GEMIN5: variants seen among roughly 807,000 people sequenced by gnomAD.
GEMIN5 encodes gem-associated protein 5.
Under a neutral mutation model 176.9 loss-of-function variants are expected in GEMIN5, and 124 were observed. The observed-to-expected ratio is 0.70, with a 90% CI of 0.61 to 0.81. GEMIN5 has a LOEUF of 0.81. Ranked by LOEUF, GEMIN5 falls within the 40% of genes least tolerant of loss-of-function variation. GEMIN5 has a pLI of 0.00. For synonymous variants in GEMIN5, 673 were observed against 665.2 expected (o/e 1.01, Z -0.18); for missense variants, 1,843 against 1,814.6 (o/e 1.02, Z -0.28).
At chr5:154,926,421 G>T (rs1764038142) in intron 7 of GEMIN5, among the ~76,000 whole-genome samples, 1 of 152,052 alleles carries the variant, frequency 6.6e-6, no homozygotes. Context: ...GATGGCCTCA[G>T]CACAGTGGAA....
In GEMIN5 at chr5:154,936,138, C is replaced by T. The variant is rs867411177; in HGVS notation, c.328-116G>A. The T allele has an allele frequency of 3.1e-5, 21 of 676,750 alleles. No individual in the cohort carries two copies. In the East Asian group the frequency reaches 4.0e-4, roughly 13 times the overall value. The allele number at this position is 676,750 out of a possible 1,614,324, so 41.9% of individuals were successfully genotyped here. A position where few individuals can be genotyped will look rare whatever the true frequency, so the allele number is the denominator to read the frequency against. On this transcript the variant is annotated intron_variant, in intron 2 of 27. Coordinates refer to ENST00000285873, the MANE Select transcript of GEMIN5 (RefSeq NM_015465.5). ...ACACATTAAAAGTAATTAATACGGC[C>T]GGGCGCGGTGGCTCACGCCTGTAAT...
chr5:154,906,774 C>G (rs1763577040), intron 16 of GEMIN5, among the ~76,000 whole-genome samples: 1 of 152,218 alleles, frequency 6.6e-6, no homozygotes, highest in Middle Eastern at 3.2e-3. Flanking sequence ...ATGTGTCTAA[C>G]AGCTATCCCT....
In GEMIN5 at chr5:154,901,495, A is replaced by C. The variant is rs1763464671; in HGVS notation, c.2867-9T>G. On this transcript the variant is annotated splice_polypyrimidine_tract_variant and intron_variant, in intron 20 of 27. Coordinates refer to ENST00000285873, the MANE Select transcript of GEMIN5 (RefSeq NM_015465.5). ...CCACACATGGTAGCCAGCTGAAAAAATAAAAGATGGTGGTTAAAAAAACAG... is the reference window on the plus strand; with the variant it reads ...CCACACATGGTAGCCAGCTGAAAAACTAAAAGATGGTGGTTAAAAAAACAG... The C allele has an allele frequency of 1.2e-6, 2 of 1,612,880 alleles. No individual in the cohort carries two copies. Among genetic ancestry groups the C allele is most frequent in the Non-Finnish European group, 1.7e-6 (2 of 1,179,596 alleles).
chr5:154,925,328 T>C (rs1357552345), intron 8 of GEMIN5, among the ~76,000 whole-genome samples: 5 of 152,058 alleles, frequency 3.3e-5, no homozygotes, highest in African/African-American at 1.2e-4. Context: ...AGGAAAAAAA[T>C]GTTTCCTTTC....
At chr5:154,920,292 A>C (rs1763898256) in intron 10 of GEMIN5, among the ~76,000 whole-genome samples, 189 bp from the exon 11 acceptor site, 1 of 152,210 alleles carries the variant, frequency 6.6e-6, no homozygotes, top group East Asian at 1.9e-4. Flanking sequence ...AGAAGTAAAA[A>C]AACTATACTA....
intron 23 of GEMIN5, among the ~76,000 whole-genome samples, chr5:154,897,423 T>C (rs893180991): frequency 8.5e-5 from 13 of 152,240 alleles, no homozygotes; most frequent in African/African-American, 2.9e-4. Context: ...GGCAGTGGTA[T>C]GTTACTGATT....
chr5:154,931,772 T>G (rs1764170684), intron 4 of GEMIN5, 195 bp from the exon 5 acceptor site: 2 of 525,678 alleles, frequency 3.8e-6, no homozygotes, highest in African/African-American at 3.8e-5. Flanking sequence ...CCCAGCATTT[T>G]GGGAGGCTGA....
chr5:154,931,637 A>G (rs1168994094), intron 4 of GEMIN5, 60 bp from the exon 5 acceptor site: 3 of 1,440,010 alleles, frequency 2.1e-6, no homozygotes, highest in Non-Finnish European at 2.9e-6. Flanking sequence ...AATATAAAAA[A>G]ATTAGTTTGC....
At chr5:154,923,551 G>C (rs1480299965) in intron 9 of GEMIN5, among the ~76,000 whole-genome samples, 2 of 152,376 alleles carry the variant, frequency 1.3e-5, no homozygotes, top group East Asian at 1.9e-4. Flanking sequence ...CAGCCAGACA[G>C]AATGTAAACA....
chr5:154,935,846 G>C lies in GEMIN5; in HGVS notation c.504C>G (p.Ala168=). ...TCSPHHEDLV[A]IGYKDGIVVI... ...ACAGATGGCATAGTACTTACCCAATGGCTACTAAATCTTCATGATGAGGTG... is the reference window on the plus strand; with the variant it reads ...ACAGATGGCATAGTACTTACCCAATCGCTACTAAATCTTCATGATGAGGTG... The change falls in exon 3 of 28, where the codon GCC becomes GCG. Residue 168 remains alanine (A), a synonymous_variant. Transcript: ENST00000285873. 6.2e-7 allele frequency: 1 copy of C among 1,609,124 alleles called. No homozygotes were observed. The highest frequency in any genetic ancestry group is 8.5e-7 in the Non-Finnish European group (1 of 1,175,866).
rs1481917613 is a variant in GEMIN5 at position 154,938,157 on chromosome 5, A to C, written c.-24T>G. The C allele has an allele frequency of 7.4e-7, 1 of 1,351,198 alleles. No individual in the cohort carries two copies. 83.7% of individuals were successfully genotyped at this position (1,351,198 alleles called of 1,614,324 possible). ...ATAACTACAAGCCGTCAGAGACAAG[A>C]GAAGCTGCCACAGCCGACCGCTCGT... On this transcript the variant is annotated 5_prime_UTR_variant, in exon 1 of 28. Transcript: ENST00000285873.
chr5:154,920,218 G>A lies in GEMIN5; in HGVS notation c.1463-115C>T, dbSNP rs1005069493. The A allele has an allele frequency of 1.1e-5, 8 of 699,750 alleles. No individual in the cohort carries two copies. The African/African-American group carries it at 1.3e-4, about 11-fold the overall frequency. The allele number at this position is 699,750 out of a possible 1,614,324, so 43.3% of individuals were successfully genotyped here. On this transcript the variant is annotated intron_variant, in intron 10 of 27. Transcript: ENST00000285873. Reference sequence around the variant, plus strand: ...GTTGTTTTAAAAGAACTATATATTTGAAACATTCTAATACATTGGAATAAA... The same window carrying A: ...GTTGTTTTAAAAGAACTATATATTTAAAACATTCTAATACATTGGAATAAA...
chr5:154,917,249 C>T (rs1186834489), intron 12 of GEMIN5, 70 bp from the exon 13 acceptor site: 5 of 792,154 alleles, frequency 6.3e-6, no homozygotes, highest in Non-Finnish European at 9.6e-6. Context: ...CAAATAGTAG[C>T]TCCCTCATTC....
At position 154,891,746 on chromosome 5, in the gene GEMIN5, G is replaced by T; in HGVS notation, c.3761-4C>A. 1 of 1,567,964 alleles carries T rather than the reference G, an allele frequency of 6.4e-7. No individual in the cohort carries two copies. Among genetic ancestry groups the T allele is most frequent in the Admixed American group, 2.1e-5 (1 of 48,212 alleles). On this transcript the variant is annotated splice_region_variant and splice_polypyrimidine_tract_variant and intron_variant, in intron 25 of 27. Coordinates refer to ENST00000285873, the MANE Select transcript of GEMIN5 (RefSeq NM_015465.5). ...TTGTCTCTTAGGTGGTCACAGCCTA[G>T]GAAAAGAGGAAAAAGATACTGGGTC...
chr5:154,894,497 G>C (rs1161920984), intron 24 of GEMIN5, among the ~76,000 whole-genome samples: 1 of 152,096 alleles, frequency 6.6e-6, no homozygotes, highest in South Asian at 2.1e-4. Flanking sequence ...CTGGCCAGGC[G>C]TGATGGCTCA....
Position 154,926,035 on chromosome 5 carries a change from T to A in GEMIN5, c.1120A>T (p.Thr374Ser). ...WDIATLECSW[T>S]LPSLGGFAYS... ...GCAAACCCACCAAGGGAAGGAAGGG[T>A]CCAGCTGCACTCCAAGGTGGCTATG... The change falls in exon 8 of 28, where the codon ACC (threonine) becomes TCC (serine). Residue 374 changes from threonine (T) to serine (S), a missense_variant. Transcript: ENST00000285873. The A allele has an allele frequency of 6.2e-7, 1 of 1,613,230 alleles. No individual in the cohort carries two copies. The highest frequency in any genetic ancestry group is 8.5e-7 in the Non-Finnish European group (1 of 1,179,492).
At position 154,938,137 on chromosome 5, in the gene GEMIN5, T is replaced by C. The variant is rs1317150263; in HGVS notation, c.-4A>G. ...GCGTCCGCGGCTCCTGCCCCATAAC[T>C]ACAAGCCGTCAGAGACAAGAGAAGC... On this transcript the variant is annotated 5_prime_UTR_variant, in exon 1 of 28. Transcript: ENST00000285873. 2.9e-6 allele frequency: 4 copies of C among 1,374,472 alleles called. No individual in the cohort carries two copies. The highest frequency in any genetic ancestry group is 3.8e-6 in the Non-Finnish European group (4 of 1,058,050). 85.1% of individuals were successfully genotyped at this position (1,374,472 alleles called of 1,614,324 possible).
chr5:154,932,323 T>A, intron 3 of GEMIN5, 73 bp from the exon 4 acceptor site: 1 of 1,106,466 alleles, frequency 9.0e-7, no homozygotes. Context: ...CATTTTGGCT[T>A]GGAGTTACCA....
intron 2 of GEMIN5, among the ~76,000 whole-genome samples, chr5:154,936,231 A>C (rs1452461369): frequency 1.3e-5 from 2 of 152,126 alleles, no homozygotes; most frequent in Non-Finnish European, 2.9e-5. Context: ...CCTGGCTAAC[A>C]TGGTGAAACC....
Sources: allele counts gnomAD v4.1 joint callset (sites outside exome capture counted in the v4.1 genomes callset), GRCh38; gene constraint gnomAD v4.1.1; transcripts MANE v1.5; gene names NCBI Gene and HGNC (gene_info 2026-07-23, HGNC 2026-07-21).